Variants in E2F3 observed in about 807,000 individuals in gnomAD.
The protein encoded by E2F3 is transcription factor E2F3.
E2F3 carries 11 observed loss-of-function variants against 44.4 expected under a neutral mutation model. That is an observed-to-expected ratio of 0.25 (90% CI 0.16 to 0.41). E2F3 has a LOEUF of 0.41. Among genes scored for constraint, E2F3 ranks in the 10% least tolerant of loss-of-function variants. The pLI, the probability that E2F3 is intolerant of heterozygous loss-of-function variation, is 1.00. For synonymous variants in E2F3, 249 were observed against 253.0 expected, an observed-to-expected ratio of 0.98 and a Z score of 0.15; for missense variants, 487 against 583.6, an observed-to-expected ratio of 0.83 and a Z score of 1.70.
chr6:20,402,839 C>G lies in E2F3; in HGVS notation c.393+214C>G, dbSNP rs1275537323. ...GGGCTCGGCCAGGCGCGCGGGGCGG[C>G]GGGGATTGCCTTGGCGCGAACCACA... On this transcript the variant is annotated intron_variant, in intron 1 of 6. Transcript: ENST00000346618. The surrounding 1 kb of genome is among the most constrained non-coding windows in gnomAD (Gnocchi z 5.6). Among the ~76,000 whole-genome samples the G allele has an allele frequency of 1.3e-5, 2 of 152,104 alleles. No individual in the cohort carries two copies. Among genetic ancestry groups the G allele is most frequent in the African/African-American group, 4.8e-5 (2 of 41,424 alleles).
intron 1 of E2F3, among the ~76,000 whole-genome samples, chr6:20,411,805 C>T (rs1377602080): frequency 6.6e-6 from 1 of 152,218 alleles, no homozygotes; most frequent in African/African-American, 2.4e-5. Flanking sequence ...TGGGTTACTG[C>T]TTCTTTCCTG....
intron 1 of E2F3, among the ~76,000 whole-genome samples, chr6:20,474,885 G>A (rs1248977653): frequency 6.6e-6 from 1 of 152,214 alleles, no homozygotes; most frequent in African/African-American, 2.4e-5. Flanking sequence ...TCACTCAACA[G>A]GGGAGGAAAA....
At chr6:20,481,162 T>G (rs1265829953) in intron 2 of E2F3, 44 bp from the exon 3 acceptor site, 1 of 1,585,672 alleles carries the variant, frequency 6.3e-7, no homozygotes, top group South Asian at 1.1e-5. Flanking sequence ...TTTCTTTACC[T>G]TTCCCCCTAT....
intron 2 of E2F3, among the ~76,000 whole-genome samples, chr6:20,480,853 C>G (rs1301253971): frequency 6.6e-6 from 1 of 152,126 alleles, no homozygotes; most frequent in Non-Finnish European, 1.5e-5. Context: ...GTGTGCTGGT[C>G]CCCTGAGGCC....
chr6:20,402,621 C>T lies in E2F3; in HGVS notation c.389C>T (p.Pro130Leu). ...GGCGGCAGCGGCGGCGGCGGCGGCC[C>T]TCCGGTAATACCCTCCCTCCCCACC... Reference protein sequence around the residue: ...GRGGSGGGGGPPAKRRLELGE... With the variant: ...GRGGSGGGGGLPAKRRLELGE... Residue 130 changes from proline to leucine, a missense_variant, in exon 1 of 7, where the codon CCT becomes CTT. Physicochemically the swap from Pro to Leu is moderately conservative, Grantham distance 98 (BLOSUM62 -3). Around this residue, in one of 3 missense-constraint regions of E2F3, gnomAD observed 238 missense variants for 236.0 expected, o/e 1.01. Transcript: ENST00000346618. This position sits in a 1 kb window ranked among gnomAD's most constrained non-coding sequence, Gnocchi z 5.6. 1 of 1,338,312 alleles carries T rather than the reference C, an allele frequency of 7.5e-7. No homozygotes were observed. The highest frequency in any genetic ancestry group is 3.1e-5 in the East Asian group (1 of 32,226). 82.9% of individuals were successfully genotyped at this position (1,338,312 alleles called of 1,614,324 possible).
At chr6:20,438,485 G>C (rs1298426928) in intron 1 of E2F3, among the ~76,000 whole-genome samples, 1 of 152,054 alleles carries the variant, frequency 6.6e-6, no homozygotes, top group Non-Finnish European at 1.5e-5. Context: ...CAGTGTCTCG[G>C]CATATTTGAA....
intron 1 of E2F3, among the ~76,000 whole-genome samples, chr6:20,462,758 T>C (rs1451491617): frequency 6.6e-6 from 1 of 151,280 alleles, no homozygotes; most frequent in Admixed American, 6.6e-5. Flanking sequence ...ACACCCTGCC[T>C]AGTTCACTAA....
Position 20,402,773 on chromosome 6 carries a change from TG to T in E2F3, c.393+149del. On this transcript the variant is annotated intron_variant, in intron 1 of 6. Coordinates refer to ENST00000346618, the MANE Select transcript of E2F3 (RefSeq NM_001949.5). This position sits in a 1 kb window ranked among gnomAD's most constrained non-coding sequence, Gnocchi z 5.6. Reference sequence around the variant, plus strand: ...GGCTGCCCCTCCAACGAGGGTTCATTGTTAGACCTGAGTGCTCTTCCCGGCG... The same window carrying T: ...GGCTGCCCCTCCAACGAGGGTTCATTTTAGACCTGAGTGCTCTTCCCGGCG... 1 of 1,239,002 alleles carries T rather than the reference TG, an allele frequency of 8.1e-7. No homozygotes were observed. Among genetic ancestry groups the T allele is most frequent in the Non-Finnish European group, 1.0e-6 (1 of 991,236 alleles). 76.8% of individuals were successfully genotyped at this position (1,239,002 alleles called of 1,614,324 possible). A position where few individuals can be genotyped will look rare whatever the true frequency, so the allele number is the denominator to read the frequency against.
At chr6:20,406,331 G>A (rs917340967) in intron 1 of E2F3, among the ~76,000 whole-genome samples, 2 of 152,174 alleles carry the variant, frequency 1.3e-5, no homozygotes, top group African/African-American at 4.8e-5. Flanking sequence ...AGGTTCTTTT[G>A]AAGAGTTAAA....
intron 1 of E2F3, among the ~76,000 whole-genome samples, chr6:20,403,081 A>C (rs1759364376): frequency 6.6e-6 from 1 of 151,868 alleles, no homozygotes; most frequent in African/African-American, 2.4e-5. Context: ...GCTAGCCCCC[A>C]GTCGGCCTTG....
At chr6:20,431,384 G>T (rs911339059) in intron 1 of E2F3, among the ~76,000 whole-genome samples, 2 of 152,160 alleles carry the variant, frequency 1.3e-5, no homozygotes, top group East Asian at 3.9e-4. Context: ...CGCATCCCAT[G>T]GCCCAGTGTC....
At chr6:20,410,775 C>T (rs997337138) in intron 1 of E2F3, among the ~76,000 whole-genome samples, 10 of 152,170 alleles carry the variant, frequency 6.6e-5, no homozygotes, top group East Asian at 3.9e-4. Context: ...TGCGCCACCA[C>T]GCCCAGCTAA....
At chr6:20,436,029 G>A (rs559445524) in intron 1 of E2F3, among the ~76,000 whole-genome samples, 7 of 149,658 alleles carry the variant, frequency 4.7e-5, no homozygotes, top group Non-Finnish European at 1.0e-4. Flanking sequence ...TGCCCAGGCT[G>A]GAGTGCAGTG....
intron 5 of E2F3, 74 bp downstream of exon 5, chr6:20,486,877 ATAGT>A: frequency 1.0e-6 from 1 of 955,392 alleles, no homozygotes; most frequent in Admixed American, 2.3e-5. Flanking sequence ...TCATTGACTC[ATAGT>A]TAAAGTCTGT....
intron 1 of E2F3, among the ~76,000 whole-genome samples, chr6:20,411,743 C>T (rs553067108): frequency 1.3e-5 from 2 of 152,324 alleles, no homozygotes; most frequent in South Asian, 2.1e-4. Context: ...CAAGGGAAGG[C>T]GTAGGCACAG....
intron 1 of E2F3, among the ~76,000 whole-genome samples, chr6:20,443,594 G>T (rs1372112607): frequency 1.3e-5 from 2 of 152,102 alleles, no homozygotes; most frequent in East Asian, 3.9e-4. Context: ...ATTTAACAGG[G>T]CATGGTGGTG....
chr6:20,491,642 G>A lies in E2F3; in HGVS notation c.*1212G>A. On this transcript the variant is annotated 3_prime_UTR_variant, in exon 7 of 7. Transcript: ENST00000346618. ...CAGGGAGACCACTTCTCAGGATGGG[G>A]TCAGATGGAGAGACCTCTAGGGAGA... is the stretch of plus-strand genomic sequence containing the variant. 5.3e-6 allele frequency: 1 copy of A among 190,382 alleles called. No homozygotes were observed. The allele number at this position is 190,382 out of a possible 1,614,324, so 11.8% of individuals were successfully genotyped here.
At chr6:20,403,800 A>G in intron 1 of E2F3, 1 of 1,493,642 alleles carries the variant, frequency 6.7e-7, no homozygotes, top group Admixed American at 2.2e-5. Context: ...CCCCGGAGCC[A>G]GGCTGGTTTC....
At chr6:20,480,141 A>T in intron 2 of E2F3, 184 bp downstream of exon 2, 8 of 841,768 alleles carry the variant, frequency 9.5e-6, no homozygotes, top group Non-Finnish European at 1.1e-5. Flanking sequence ...AAGGCTACAG[A>T]GTCACACTGG....
Sources: allele counts gnomAD v4.1 joint callset (sites outside exome capture counted in the v4.1 genomes callset), GRCh38; gene constraint gnomAD v4.1.1; regional missense constraint gnomAD v4.1.1; non-coding constraint Gnocchi (gnomAD v3.1); transcripts MANE v1.5; gene names NCBI Gene and HGNC (gene_info 2026-07-23, HGNC 2026-07-21).